Variants in LCK observed in about 807,000 individuals in gnomAD.
LCK encodes LCK proto-oncogene, Src family tyrosine kinase.
A neutral mutation model predicts 64.6 loss-of-function variants in LCK; 14 were observed. The ratio of observed to expected loss-of-function variants is 0.22; its 90% CI spans 0.14 to 0.34. The LOEUF (loss-of-function observed/expected upper bound fraction) is 0.34, where lower values mean the gene tolerates loss of function less well. LCK is among the 10% of genes least tolerant of loss of function. The probability of loss-of-function intolerance (pLI) is 1.00; values close to 1 mark genes in which losing one functional copy is unlikely to be tolerated. For synonymous variants in LCK, 277 were observed against 263.6 expected (o/e 1.05, Z -0.49); for missense variants, 434 against 668.1 (o/e 0.65, Z 3.86).
chr1:32,262,474 G>A (rs1394832520), intron 1 of LCK, among the ~76,000 whole-genome samples: 1 of 149,996 alleles, frequency 6.7e-6, no homozygotes, highest in African/African-American at 2.5e-5. Context: ...CCAGGCTTGA[G>A]TGCAATGGCG....
At position 32,275,632 on chromosome 1, in the gene LCK, T is replaced by A; in HGVS notation, c.441T>A (p.Thr147=). 6.4e-7 allele frequency: 1 copy of A among 1,572,112 alleles called. No individual in the cohort carries two copies. The highest frequency in any genetic ancestry group is 8.6e-7 in the Non-Finnish European group (1 of 1,159,406). The change falls in exon 6 of 13, where the codon ACT becomes ACA. Residue 147 remains threonine (T), a synonymous_variant. Transcript: ENST00000336890. The surrounding 1 kb of genome is among the most constrained non-coding windows in gnomAD (Gnocchi z 6.9). ...AERQLLAPGN[T]HGSFLIRESE... ...GGCAGCTCCTGGCGCCCGGGAACAC[T>A]CACGGCTCCTTCCTCATCCGGGAGA...
intron 1 of LCK, among the ~76,000 whole-genome samples, chr1:32,272,900 G>C (rs561917961): frequency 1.7e-4 from 26 of 149,672 alleles, no homozygotes; most frequent in African/African-American, 6.2e-4. Context: ...GTGTGGGTGA[G>C]TGTGTGGAGG....
chr1:32,257,567 C>A (rs1245924835), intron 1 of LCK, among the ~76,000 whole-genome samples: 1 of 152,012 alleles, frequency 6.6e-6, no homozygotes, highest in African/African-American at 2.4e-5. Flanking sequence ...CTTCTGCCAG[C>A]AAGTGATTGG....
At chr1:32,284,037 C>G (rs866847248) in intron 12 of LCK, among the ~76,000 whole-genome samples, 2 of 151,840 alleles carry the variant, frequency 1.3e-5, no homozygotes, top group South Asian at 4.2e-4. Context: ...TGTGCCACCA[C>G]GCCCAGCTAA....
At chr1:32,262,362 G>A (rs1283004974) in intron 1 of LCK, among the ~76,000 whole-genome samples, 1 of 148,642 alleles carries the variant, frequency 6.7e-6, no homozygotes, top group Non-Finnish European at 1.5e-5. Context: ...TCAGCTGGGT[G>A]TGGTGGTGCG....
chr1:32,272,152 T>C (rs1397514926), intron 1 of LCK, among the ~76,000 whole-genome samples: 1 of 150,306 alleles, frequency 6.7e-6, no homozygotes, highest in Non-Finnish European at 1.5e-5. Context: ...AGCGTGATGG[T>C]GCATGCCTGT....
intron 1 of LCK, among the ~76,000 whole-genome samples, chr1:32,258,547 G>A (rs570108336): frequency 1.7e-3 from 261 of 150,498 alleles, no homozygotes; most frequent in Non-Finnish European, 2.2e-3. Context: ...TTTGGGAGGC[G>A]GAGGCAGGTG....
chr1:32,281,685 G>A (rs1314407645), intron 12 of LCK, among the ~76,000 whole-genome samples: 1 of 151,990 alleles, frequency 6.6e-6, no homozygotes, highest in Non-Finnish European at 1.5e-5. Context: ...GGAGTAGGGG[G>A]GTCATGCGGC....
At chr1:32,257,424 A>AT (rs199671219) in intron 1 of LCK, among the ~76,000 whole-genome samples, 1,643 of 151,184 alleles carry the variant, frequency 0.011, 31 homozygotes, top group African/African-American at 0.038. Flanking sequence ...TAATTTTTGT[A>AT]TTTTTTTTGT....
chr1:32,284,996 A>G (rs1640572493), intron 12 of LCK, among the ~76,000 whole-genome samples: 1 of 152,012 alleles, frequency 6.6e-6, no homozygotes, highest in Admixed American at 6.6e-5. Flanking sequence ...TCCCTTATCT[A>G]AAACATTTTT....
chr1:32,259,692 C>G (rs937626252), intron 1 of LCK, among the ~76,000 whole-genome samples: 5 of 151,704 alleles, frequency 3.3e-5, no homozygotes, highest in Non-Finnish European at 7.4e-5. Context: ...TGCCTGTTGT[C>G]CCAGTTACTC....
rs202168630 is a variant in LCK at position 32,285,759 on chromosome 1, C to G, written c.*43C>G. 2 of 1,542,652 alleles carry G rather than the reference C, an allele frequency of 1.3e-6. No homozygotes were observed. Among genetic ancestry groups the G allele is most frequent in the African/African-American group, 2.7e-5 (2 of 72,942 alleles). On this transcript the variant is annotated 3_prime_UTR_variant, in exon 13 of 13. Coordinates refer to ENST00000336890, the MANE Select transcript of LCK (RefSeq NM_005356.5). The stretch of plus-strand genomic sequence containing the variant: ...TGGGGTTCTCCCCCTTTCTCTCCAG[C>G]CTGACTTGGGGAGATGGAGTTCTTG...
At chr1:32,252,578 C>A (rs984308289) in intron 1 of LCK, among the ~76,000 whole-genome samples, 2 of 152,148 alleles carry the variant, frequency 1.3e-5, no homozygotes, top group Non-Finnish European at 2.9e-5. Flanking sequence ...GCTCTCCTCG[C>A]ACTTCAGGGA....
rs933922243 is a variant in LCK, at chr1:32,274,668, G to T, written c.106-69G>T. On this transcript the variant is annotated intron_variant, in intron 2 of 12. Coordinates refer to ENST00000336890, the MANE Select transcript of LCK (RefSeq NM_005356.5). ...GCTGGAGAGGCTGAGAGCAGAGCAGGGGGGAAGGGGGCCAGGGTCTGACCC... is the reference window on the plus strand; with the variant it reads ...GCTGGAGAGGCTGAGAGCAGAGCAGTGGGGAAGGGGGCCAGGGTCTGACCC... 127 of 1,291,928 alleles carry T rather than the reference G, an allele frequency of 9.8e-5. 1 individual carries two copies. The highest frequency in any genetic ancestry group is 4.5e-4 in the Middle Eastern group (2 of 4,432). The allele number at this position is 1,291,928 out of a possible 1,614,324, so 80.0% of individuals were successfully genotyped here. A position where few individuals can be genotyped will look rare whatever the true frequency, so the allele number is the denominator to read the frequency against.
In LCK at chr1:32,275,414, C is replaced by A; in HGVS notation, c.372C>A (p.Pro124=). 1 of 1,613,982 alleles carries A rather than the reference C, an allele frequency of 6.2e-7. No homozygotes were observed. Among genetic ancestry groups the A allele is most frequent in the Non-Finnish European group, 8.5e-7 (1 of 1,179,954 alleles). ...TGGCCAAAGCGAACAGCCTGGAGCC[C>A]GAACCGTAAGTGGGGACCCGTCGTG... is the stretch of plus-strand genomic sequence containing the variant. ...NFVAKANSLE[P]EPWFFKNLSR... is the part of the protein sequence containing the mutation. Residue 124 remains proline (P), a synonymous_variant, in exon 5 of 13, where the codon CCC becomes CCA. Transcript: ENST00000336890. This position sits in a 1 kb window ranked among gnomAD's most constrained non-coding sequence, Gnocchi z 6.9.
At chr1:32,283,065 C>T (rs935364152) in intron 12 of LCK, among the ~76,000 whole-genome samples, 6 of 151,490 alleles carry the variant, frequency 4.0e-5, no homozygotes, top group African/African-American at 1.5e-4. Context: ...CTGAGATGAG[C>T]GGATCACGTG....
intron 1 of LCK, among the ~76,000 whole-genome samples, chr1:32,255,639 A>G (rs1002814581): frequency 1.3e-5 from 2 of 152,094 alleles, no homozygotes; most frequent in Non-Finnish European, 2.9e-5. Context: ...AGCTAACTAC[A>G]AGCCTTATAG....
Position 32,279,828 on chromosome 1 carries a change from G to A in LCK, c.1042-13G>A, listed in dbSNP as rs1208008005. On this transcript the variant is annotated splice_polypyrimidine_tract_variant and intron_variant, in intron 10 of 12. Transcript: ENST00000336890. ...ATCTGGCTCAGGACCGCTGATCTGT[G>A]TTTGGCCTGCAGATTGCAGAAGGCA... 2 of 1,614,006 alleles carry A rather than the reference G, an allele frequency of 1.2e-6. No individual in the cohort carries two copies. The highest frequency in any genetic ancestry group is 1.3e-5 in the African/African-American group (1 of 74,924).
intron 1 of LCK, among the ~76,000 whole-genome samples, chr1:32,265,819 C>G (rs976389503): frequency 1.3e-5 from 2 of 152,082 alleles, no homozygotes; most frequent in Non-Finnish European, 2.9e-5. Flanking sequence ...TTCTCCTTCT[C>G]CTCCTCCTTC....
Sources: allele counts gnomAD v4.1 joint callset (sites outside exome capture counted in the v4.1 genomes callset), GRCh38; gene constraint gnomAD v4.1.1; non-coding constraint Gnocchi (gnomAD v3.1); transcripts MANE v1.5; gene names NCBI Gene and HGNC (gene_info 2026-07-23, HGNC 2026-07-21).